The following DCLK1 variants were observed in gnomAD, a reference collection of about 807,000 sequenced individuals.
The protein encoded by DCLK1 is doublecortin like kinase 1, also known as serine/threonine-protein kinase DCLK1.
A neutral mutation model predicts 86.2 loss-of-function variants in DCLK1; 16 were observed. The ratio of observed to expected loss-of-function variants is 0.19; its 90% confidence interval spans 0.13 to 0.28. DCLK1 has a LOEUF of 0.28. Among genes scored for constraint, DCLK1 ranks in the 10% least tolerant of loss-of-function variants. The probability of loss-of-function intolerance (pLI) is 1.00; values close to 1 mark genes in which losing one functional copy is unlikely to be tolerated. For synonymous variants in DCLK1, 369 were observed against 370.5 expected, an observed-to-expected ratio of 1.00 and a Z score of 0.05; for missense variants, 590 against 940.2, an observed-to-expected ratio of 0.63 and a Z score of 4.87.
chr13:36,048,868 A>C (rs543310524), intron 3 of DCLK1, among the ~76,000 whole-genome samples: 41 of 152,264 alleles, frequency 2.7e-4, no homozygotes, highest in African/African-American at 9.1e-4. Flanking sequence ...CAAAAGCCTC[A>C]GGACTCCGGA....
At chr13:35,794,377 T>C (rs2086765138) in intron 15 of DCLK1, among the ~76,000 whole-genome samples, 3 of 152,226 alleles carry the variant, frequency 2.0e-5, no homozygotes, top group Admixed American at 2.0e-4. Context: ...AAAAAGAAAC[T>C]CCTGGCAATC....
intron 3 of DCLK1, among the ~76,000 whole-genome samples, chr13:35,966,827 G>A (rs1878768928): frequency 6.6e-6 from 1 of 151,984 alleles, no homozygotes; most frequent in Non-Finnish European, 1.5e-5. Context: ...CCAGGCTGGA[G>A]TGCAGTGGCG....
chr13:36,100,894 C>T (rs1315723233), intron 3 of DCLK1, among the ~76,000 whole-genome samples: 1 of 152,194 alleles, frequency 6.6e-6, no homozygotes, highest in Admixed American at 6.5e-5. Flanking sequence ...AGACTGTTGG[C>T]CACTAAATCC....
intron 3 of DCLK1, among the ~76,000 whole-genome samples, chr13:36,078,445 C>T: frequency 6.6e-6 from 1 of 152,220 alleles, no homozygotes; most frequent in East Asian, 1.9e-4. Flanking sequence ...CCTTGATGAT[C>T]TGTTATCTGT....
chr13:35,996,571 G>A (rs1182087133), intron 3 of DCLK1, among the ~76,000 whole-genome samples: 1 of 152,188 alleles, frequency 6.6e-6, no homozygotes, highest in Non-Finnish European at 1.5e-5. Flanking sequence ...ACCTCCACAA[G>A]CAGGAGGCCA....
chr13:35,858,620 G>A (rs559416030), intron 5 of DCLK1, among the ~76,000 whole-genome samples: 12 of 152,090 alleles, frequency 7.9e-5, no homozygotes, highest in Admixed American at 3.3e-4. Context: ...CTCTACCACC[G>A]GGACACTCGG....
intron 2 of DCLK1, among the ~76,000 whole-genome samples, chr13:36,113,107 G>A (rs1026444898): frequency 2.0e-5 from 3 of 152,128 alleles, no homozygotes; most frequent in South Asian, 4.1e-4. Context: ...ATAAGTTTTT[G>A]TAACTAGGAA....
At chr13:35,914,877 T>C (rs1344740287) in intron 4 of DCLK1, among the ~76,000 whole-genome samples, 1 of 152,108 alleles carries the variant, frequency 6.6e-6, no homozygotes, top group African/African-American at 2.4e-5. Context: ...TGGCAAACAG[T>C]AAAATCTCAT....
chr13:35,970,824 T>C (rs889870531), intron 3 of DCLK1, among the ~76,000 whole-genome samples: 4 of 152,204 alleles, frequency 2.6e-5, no homozygotes, highest in African/African-American at 7.2e-5. Context: ...CACAGATATC[T>C]TGTGGGGAGA....
intron 3 of DCLK1, among the ~76,000 whole-genome samples, chr13:36,102,749 A>C (rs1885260422): frequency 6.6e-6 from 1 of 152,222 alleles, no homozygotes; most frequent in East Asian, 1.9e-4. Flanking sequence ...AGTCTGAGAT[A>C]ATTTTAACCT....
intron 3 of DCLK1, among the ~76,000 whole-genome samples, chr13:35,982,431 AGGGGGAG>A (rs1309096562): frequency 2.4e-5 from 1 of 41,220 alleles, no homozygotes; most frequent in Non-Finnish European, 3.9e-5. Context: ...AGAGAGAGAG[AGGGGGAG>A]GGAGGGAGGG....
chr13:35,865,189 A>T (rs1175095643), intron 5 of DCLK1, among the ~76,000 whole-genome samples: 2 of 151,792 alleles, frequency 1.3e-5, no homozygotes, highest in African/African-American at 2.4e-5. Context: ...ATTGCTTAAA[A>T]GAATTTTACT....
chr13:35,963,819 C>T (rs1878583114), intron 3 of DCLK1, among the ~76,000 whole-genome samples: 1 of 152,144 alleles, frequency 6.6e-6, no homozygotes, highest in Non-Finnish European at 1.5e-5. Flanking sequence ...CCATGTAAGA[C>T]ATGCCTCTTT....
chr13:35,846,402 G>A, intron 6 of DCLK1: 1 of 985,078 alleles, frequency 1.0e-6, no homozygotes, highest in Non-Finnish European at 1.2e-6. Context: ...TACTACCCTG[G>A]CTTCAAAAAC....
In DCLK1 at chr13:35,835,836, G is replaced by A. The variant is rs368318054; in HGVS notation, c.1229+197C>T. ...AAAAAATCAAAGTCTTTAATTTATA[G>A]ATTGTCCCCAGGTATCACTACATTT... is the stretch of plus-strand genomic sequence containing the variant. On this transcript the variant is annotated intron_variant, in intron 8 of 16. Transcript: ENST00000360631. Among the ~76,000 whole-genome samples, 27 of 152,308 alleles carry A rather than the reference G, an allele frequency of 1.8e-4. 1 individual carries two copies. In the East Asian group the frequency reaches 5.0e-3, roughly 28 times the overall value.
intron 3 of DCLK1, among the ~76,000 whole-genome samples, chr13:35,960,080 G>A (rs889072473): frequency 1.1e-4 from 16 of 152,058 alleles, no homozygotes; most frequent in Non-Finnish European, 2.2e-4. Flanking sequence ...AAAAAAAGTG[G>A]AGAATCTATA....
At chr13:36,121,377 G>T (rs1885985397) in intron 2 of DCLK1, among the ~76,000 whole-genome samples, 1 of 152,144 alleles carries the variant, frequency 6.6e-6, no homozygotes, top group Non-Finnish European at 1.5e-5. Flanking sequence ...AAAAAATCCA[G>T]AAAGAGACAA....
chr13:35,901,095 A>T (rs1381783265), intron 4 of DCLK1, among the ~76,000 whole-genome samples: 1 of 152,242 alleles, frequency 6.6e-6, no homozygotes, highest in Non-Finnish European at 1.5e-5. Context: ...AAATTAATTC[A>T]GTAAACAGTA....
intron 3 of DCLK1, among the ~76,000 whole-genome samples, chr13:36,096,432 G>T (rs1885024507): frequency 6.6e-6 from 1 of 152,194 alleles, no homozygotes; most frequent in Admixed American, 6.5e-5. Flanking sequence ...TTCAATGATG[G>T]TTCAGTGAAC....
Sources: gnomAD v4.1 joint callset for allele counts (sites outside exome capture counted in the v4.1 genomes callset) on GRCh38, gnomAD v4.1.1 for gene constraint, MANE v1.5 for transcripts, NCBI Gene and HGNC (gene_info 2026-07-23, HGNC 2026-07-21) for gene names.